The following CABIN1 variants were observed in gnomAD, a reference collection of about 807,000 sequenced individuals.
CABIN1 encodes calcineurin-binding protein cabin-1.
A neutral mutation model predicts 227.7 loss-of-function variants in CABIN1; 133 were observed. The observed-to-expected ratio is 0.58, with a 90% CI of 0.51 to 0.67. CABIN1 has a LOEUF of 0.67. Ranked by LOEUF, CABIN1 falls within the 30% of genes least tolerant of loss-of-function variation. The probability of loss-of-function intolerance (pLI) is 0.00; values close to 1 mark genes in which losing one functional copy is unlikely to be tolerated. For missense variants in CABIN1, 2,408 were observed against 2,852.5 expected, an observed-to-expected ratio of 0.84 and a Z score of 3.55; for synonymous variants, 1,086 against 1,155.1, an observed-to-expected ratio of 0.94 and a Z score of 1.21.
chr22:24,034,434 T>G (rs1276420059), intron 1 of CABIN1, among the ~76,000 whole-genome samples: 2 of 152,238 alleles, frequency 1.3e-5, no homozygotes, highest in Admixed American at 1.3e-4. Context: ...TATCAGAAAT[T>G]TATTCCTTTT....
At chr22:24,161,251 C>T (rs1166769695) in intron 29 of CABIN1, among the ~76,000 whole-genome samples, 2 of 152,160 alleles carry the variant, frequency 1.3e-5, no homozygotes, top group Non-Finnish European at 2.9e-5. Context: ...AAGCCTCAAG[C>T]ACAATCTCAG....
Position 24,166,793 on chromosome 22 carries a change from C to A in CABIN1, c.5162C>A (p.Pro1721Gln). 4 of 1,613,016 alleles carry A rather than the reference C, an allele frequency of 2.5e-6. No individual in the cohort carries two copies. Among genetic ancestry groups the A allele is most frequent in the Non-Finnish European group, 3.4e-6 (4 of 1,180,006 alleles). The change falls in exon 32 of 37, where the codon CCA (proline) becomes CAA (glutamine). Residue 1721 changes from proline to glutamine, a missense_variant. Around this residue, in one of 3 missense-constraint regions of CABIN1, gnomAD observed 714 missense variants for 773.8 expected, o/e 0.92. Transcript: ENST00000263119. ...GATGGCTCAGGGCCAGGGCCCGAGC[C>A]AGGAGGCAAAGTGGGCCTCCTCAAC... ...LADGSGPGPEPGGKVGLLNHR... is the reference protein window; with the variant it reads ...LADGSGPGPEQGGKVGLLNHR...
At chr22:24,029,140 G>A (rs1391366274) in intron 1 of CABIN1, among the ~76,000 whole-genome samples, 1 of 152,178 alleles carries the variant, frequency 6.6e-6, no homozygotes, top group Non-Finnish European at 1.5e-5. Context: ...GATCGCTTGA[G>A]GCCAGGAGTT....
At chr22:24,035,910 CTTT>C (rs61688464) in intron 2 of CABIN1, among the ~76,000 whole-genome samples, 176 bp from the exon 3 acceptor site, 3 of 110,184 alleles carry the variant, frequency 2.7e-5, no homozygotes, top group African/African-American at 1.0e-4. Flanking sequence ...CCCCGCCCTT[CTTT>C]TTTTTTTTCT....
rs1219110132 is a variant in CABIN1, at chr22:24,064,670, G to A, written c.2037+483G>A. On this transcript the variant is annotated intron_variant, in intron 15 of 36. Coordinates refer to ENST00000263119, the MANE Select transcript of CABIN1 (RefSeq NM_012295.4). ...TAGGCAGAGGACCCTGCGGCCTTCCGCAGTGTTTGTGTCCCTGGGTACTTG... is the reference window on the plus strand; with the variant it reads ...TAGGCAGAGGACCCTGCGGCCTTCCACAGTGTTTGTGTCCCTGGGTACTTG... Among the ~76,000 whole-genome samples, 20 of 151,708 alleles carry A rather than the reference G, an allele frequency of 1.3e-4. 1 individual carries two copies. The highest frequency in any genetic ancestry group is 4.6e-4 in the Admixed American group (7 of 15,272).
At chr22:24,169,866 C>T (rs1319677355) in intron 33 of CABIN1, among the ~76,000 whole-genome samples, 5 of 152,238 alleles carry the variant, frequency 3.3e-5, no homozygotes, top group Admixed American at 6.5e-5. Flanking sequence ...GGAGCCAGGG[C>T]TGGGCCAGAC....
chr22:24,066,059 A>G (rs1161735482), intron 15 of CABIN1, among the ~76,000 whole-genome samples: 1 of 152,054 alleles, frequency 6.6e-6, no homozygotes, highest in Non-Finnish European at 1.5e-5. Context: ...AGGGAGAGGG[A>G]GTGAAAGGTT....
At chr22:24,107,909 T>G (rs2042603264) in intron 26 of CABIN1, among the ~76,000 whole-genome samples, 1 of 152,240 alleles carries the variant, frequency 6.6e-6, no homozygotes, top group South Asian at 2.1e-4. Flanking sequence ...TCAGCTAGTC[T>G]CAGGCTGGCT....
chr22:24,052,193 C>T (rs186066255), intron 8 of CABIN1, among the ~76,000 whole-genome samples: 74 of 152,224 alleles, frequency 4.9e-4, no homozygotes, highest in African/African-American at 1.3e-3. Flanking sequence ...GAACTGGTGC[C>T]GTGGCCACCC....
chr22:24,139,710 T>A (rs982793058), intron 29 of CABIN1, among the ~76,000 whole-genome samples: 5 of 152,220 alleles, frequency 3.3e-5, no homozygotes, highest in African/African-American at 1.2e-4. Flanking sequence ...TGGACACATG[T>A]ATGGGCCCAG....
chr22:24,155,870 C>T (rs1008913525), intron 29 of CABIN1: 5 of 433,582 alleles, frequency 1.2e-5, no homozygotes, highest in African/African-American at 6.2e-5. Flanking sequence ...AGCCCGCCAC[C>T]AGCGGCCAGT....
chr22:24,150,293 C>T (rs966520615), intron 29 of CABIN1, among the ~76,000 whole-genome samples: 2 of 152,222 alleles, frequency 1.3e-5, no homozygotes, highest in Non-Finnish European at 2.9e-5. Flanking sequence ...GCTGCCAGTC[C>T]TCAGCAAGTG....
intron 34 of CABIN1, among the ~76,000 whole-genome samples, chr22:24,174,146 G>A (rs71318451): frequency 0.018 from 2,780 of 151,710 alleles, 34 homozygotes; most frequent in Middle Eastern, 0.031. Context: ...AGCCTGGCCT[G>A]TTTGTTTTCC....
chr22:24,017,676 CAT>C (rs780581179), intron 1 of CABIN1, among the ~76,000 whole-genome samples: 13 of 152,220 alleles, frequency 8.5e-5, no homozygotes, highest in East Asian at 1.9e-4. Context: ...TTTTTTGTGA[CAT>C]GTGTCAGGAT....
chr22:24,166,540 A>G, intron 31 of CABIN1, 99 bp from the exon 32 acceptor site: 1 of 1,427,564 alleles, frequency 7.0e-7, no homozygotes, highest in Non-Finnish European at 9.8e-7. Context: ...CACAGATGTC[A>G]GGTGGGAGAG....
rs748459908 is a variant in CABIN1, at chr22:24,056,213, A to C, written c.1115A>C (p.Lys372Thr). 2 of 1,614,076 alleles carry C rather than the reference A, an allele frequency of 1.2e-6. No homozygotes were observed. The highest frequency in any genetic ancestry group is 1.7e-6 in the Non-Finnish European group (2 of 1,179,998). ...APVGDISGGDKSKKGVKRKKI... is the reference protein window; with the variant it reads ...APVGDISGGDTSKKGVKRKKI... ...GAAGGTGATATTTCTGGGGGAGATAAATCCAAGAAAGGGGTAAAACGGAAG... is the reference window on the plus strand; with the variant it reads ...GAAGGTGATATTTCTGGGGGAGATACATCCAAGAAAGGGGTAAAACGGAAG... The change falls in exon 10 of 37, where the codon AAA becomes ACA. Residue 372 changes from lysine (K) to threonine (T), a missense_variant. Coordinates refer to ENST00000263119, the MANE Select transcript of CABIN1 (RefSeq NM_012295.4).
chr22:24,076,318 T>C (rs545849263), intron 19 of CABIN1, 34 bp downstream of exon 19: 2 of 1,557,438 alleles, frequency 1.3e-6, no homozygotes, highest in East Asian at 4.5e-5. Context: ...AGACTGCCAG[T>C]GCGGGGCAGG....
intron 1 of CABIN1, among the ~76,000 whole-genome samples, chr22:24,016,610 C>A (rs2035305501): frequency 6.6e-6 from 1 of 152,188 alleles, no homozygotes; most frequent in Non-Finnish European, 1.5e-5. Context: ...GTGAATAATT[C>A]TGTGCATATG....
chr22:24,066,223 T>C (rs1252679349), intron 15 of CABIN1, among the ~76,000 whole-genome samples: 1 of 152,202 alleles, frequency 6.6e-6, no homozygotes, highest in South Asian at 2.1e-4. Flanking sequence ...TGTAGTACAC[T>C]GGGACACTGC....
Sources: allele counts gnomAD v4.1 joint callset (sites outside exome capture counted in the v4.1 genomes callset), GRCh38; gene constraint gnomAD v4.1.1; regional missense constraint gnomAD v4.1.1; transcripts MANE v1.5; gene names NCBI Gene and HGNC (gene_info 2026-07-23, HGNC 2026-07-21).